Variants in RIMS2 observed in about 807,000 individuals in gnomAD.
RIMS2 encodes the protein regulating synaptic membrane exocytosis protein 2.
In RIMS2, 59 loss-of-function variants were observed where a neutral mutation model predicts 174.4. The observed-to-expected ratio is 0.34, with a 90% CI of 0.27 to 0.42. The LOEUF is 0.42. RIMS2 is among the 10% of genes least tolerant of loss of function. The pLI, the probability that RIMS2 is intolerant of heterozygous loss-of-function variation, is 1.00. For missense variants in RIMS2, 1,620 were observed against 1,666.3 expected (o/e 0.97, Z 0.48); for synonymous variants, 606 against 572.5 (o/e 1.06, Z -0.84).
intron 17 of RIMS2, among the ~76,000 whole-genome samples, chr8:104,007,823 A>T (rs935193074): frequency 6.6e-6 from 1 of 152,122 alleles, no homozygotes; most frequent in Non-Finnish European, 1.5e-5. Flanking sequence ...TTGTTCTGTT[A>T]GTTGGGGTGT....
At chr8:104,103,614 G>A (rs569355424) in intron 19 of RIMS2, among the ~76,000 whole-genome samples, 65 of 151,438 alleles carry the variant, frequency 4.3e-4, no homozygotes, top group Middle Eastern at 3.4e-3. Context: ...TCATCTGTGC[G>A]TATATTTTTA....
intron 19 of RIMS2, among the ~76,000 whole-genome samples, chr8:104,153,416 T>C (rs1363851336): frequency 6.6e-6 from 1 of 152,166 alleles, no homozygotes; most frequent in Admixed American, 6.5e-5. Flanking sequence ...TCTATAAAGA[T>C]AATATTTTTA....
At chr8:104,054,008 T>A (rs2096830324) in intron 19 of RIMS2, among the ~76,000 whole-genome samples, 1 of 152,116 alleles carries the variant, frequency 6.6e-6, no homozygotes, top group South Asian at 2.1e-4. Context: ...GTATTTAACA[T>A]CCTCAATGTA....
rs1024987937 is a variant in RIMS2, at chr8:103,535,492, T to G, written c.176+34430T>G. 3.3e-5 allele frequency among the ~76,000 whole-genome samples: 5 copies of G among 152,170 alleles called. No homozygotes were observed. In the East Asian group the frequency reaches 9.6e-4, roughly 29 times the overall value. On this transcript the variant is annotated intron_variant, in intron 1 of 23. Transcript: ENST00000504942. ...ATACTGTAATGTGTAGCCCCATTAT[T>G]GAGTCGATTACAGCTAGAAGAACTG...
chr8:104,213,639 G>C (rs888486242), intron 19 of RIMS2, among the ~76,000 whole-genome samples: 1 of 152,162 alleles, frequency 6.6e-6, no homozygotes. Context: ...CACTTTCGGA[G>C]GCCAAGGCAG....
At chr8:104,005,859 G>A (rs999477858) in intron 17 of RIMS2, among the ~76,000 whole-genome samples, 4 of 151,838 alleles carry the variant, frequency 2.6e-5, no homozygotes, top group African/African-American at 7.3e-5. Flanking sequence ...GTTAAAGAAA[G>A]GATTCTGACA....
intron 19 of RIMS2, among the ~76,000 whole-genome samples, chr8:104,035,816 A>G (rs1284916776): frequency 1.3e-5 from 2 of 152,132 alleles, no homozygotes; most frequent in African/African-American, 2.4e-5. Flanking sequence ...CAGCTTGATA[A>G]TTTCTGAATT....
At chr8:104,209,435 G>A (rs1563767414) in intron 19 of RIMS2, among the ~76,000 whole-genome samples, 1 of 152,208 alleles carries the variant, frequency 6.6e-6, no homozygotes, top group South Asian at 2.1e-4. Context: ...AATAGGCTTA[G>A]AGGAACAAGA....
chr8:103,901,811 C>A (rs1440403177), intron 4 of RIMS2, among the ~76,000 whole-genome samples: 1 of 152,148 alleles, frequency 6.6e-6, no homozygotes, highest in Non-Finnish European at 1.5e-5. Flanking sequence ...GCCAGCCATG[C>A]TTTTGTATTG....
chr8:103,965,132 A>G (rs1345192481), intron 15 of RIMS2, among the ~76,000 whole-genome samples: 1 of 152,070 alleles, frequency 6.6e-6, no homozygotes, highest in East Asian at 1.9e-4. Flanking sequence ...ACTGTGTTGA[A>G]TCTTCTGTCT....
intron 1 of RIMS2, among the ~76,000 whole-genome samples, chr8:103,544,076 T>TATGGATATTCC (rs111853784): frequency 0.18 from 27,634 of 152,030 alleles, 2,740 homozygotes; most frequent in African/African-American, 0.25. Context: ...TGATAAGGGG[T>TATGGATATTCC]TAATATCCAG....
intron 19 of RIMS2, among the ~76,000 whole-genome samples, chr8:104,180,265 A>C (rs2098932272): frequency 6.6e-6 from 1 of 151,768 alleles, no homozygotes; most frequent in South Asian, 2.1e-4. Context: ...ATTACCCTCT[A>C]AAAGTATTAT....
chr8:103,566,267 TC>T (rs2092335857), intron 1 of RIMS2, among the ~76,000 whole-genome samples: 1 of 152,198 alleles, frequency 6.6e-6, no homozygotes, highest in Non-Finnish European at 1.5e-5. Flanking sequence ...GTTTCTGTGT[TC>T]CTTCTATGTT....
At chr8:103,525,195 A>G (rs751787648) in intron 1 of RIMS2, among the ~76,000 whole-genome samples, 25 of 152,216 alleles carry the variant, frequency 1.6e-4, no homozygotes, top group Admixed American at 6.5e-5. Context: ...TTTTGTGGTC[A>G]AATGATTAAG....
chr8:103,584,461 G>A (rs1437191481), intron 1 of RIMS2, among the ~76,000 whole-genome samples: 1 of 151,976 alleles, frequency 6.6e-6, no homozygotes, highest in East Asian at 1.9e-4. Flanking sequence ...CACTATAACT[G>A]TGGTGTGTAA....
At chr8:103,783,272 T>C (rs1041926737) in intron 3 of RIMS2, among the ~76,000 whole-genome samples, 3 of 151,090 alleles carry the variant, frequency 2.0e-5, no homozygotes, top group Admixed American at 6.6e-5. Flanking sequence ...CTTTTCTTTT[T>C]TTTTTTTTTT....
intron 1 of RIMS2, among the ~76,000 whole-genome samples, chr8:103,515,964 TTA>T (rs1423352540): frequency 6.6e-6 from 1 of 152,102 alleles, no homozygotes; most frequent in Non-Finnish European, 1.5e-5. Flanking sequence ...GTAATTTTGA[TTA>T]GTGTTGTCTC....
intron 3 of RIMS2, among the ~76,000 whole-genome samples, chr8:103,809,991 C>G (rs1413019665): frequency 6.6e-6 from 1 of 152,286 alleles, no homozygotes; most frequent in East Asian, 1.9e-4. Context: ...TTTGAAGGAA[C>G]TTTGTAAGTC....
chr8:103,553,422 A>T (rs1371439595), intron 1 of RIMS2, among the ~76,000 whole-genome samples: 1 of 152,046 alleles, frequency 6.6e-6, no homozygotes, highest in Non-Finnish European at 1.5e-5. Flanking sequence ...CAGGGTGGGG[A>T]ATATCAAACA....
Sources: allele counts gnomAD v4.1 joint callset (sites outside exome capture counted in the v4.1 genomes callset), GRCh38; gene constraint gnomAD v4.1.1; transcripts MANE v1.5; gene names NCBI Gene and HGNC (gene_info 2026-07-23, HGNC 2026-07-21).